The following SPINK5 variants were observed in gnomAD, a reference collection of about 807,000 sequenced individuals.
SPINK5 encodes the protein serine peptidase inhibitor Kazal type 5.
A neutral mutation model predicts 151.8 loss-of-function variants in SPINK5; 125 were observed. The observed-to-expected ratio is 0.82, with a 90% confidence interval of 0.71 to 0.96. SPINK5 has a LOEUF of 0.96. Ranked by LOEUF, SPINK5 falls within the 40% of genes least tolerant of loss-of-function variation. The pLI is 0.00. For synonymous variants in SPINK5, 374 were observed against 395.3 expected (o/e 0.95, Z 0.64); for missense variants, 1,194 against 1,291.9 (o/e 0.92, Z 1.16).
chr5:148,111,745 C>T, intron 18 of SPINK5, 23 bp from the exon 19 acceptor site: 1 of 1,613,784 alleles, frequency 6.2e-7, no homozygotes, highest in South Asian at 1.1e-5. Flanking sequence ...ACTCTTAAAA[C>T]CTGCTTCTGC....
chr5:148,077,990 T>G (rs1752928071), intron 4 of SPINK5, among the ~76,000 whole-genome samples: 1 of 151,006 alleles, frequency 6.6e-6, no homozygotes. Context: ...CATAAATGGT[T>G]TAAACATCCC....
At position 148,094,273 on chromosome 5, in the gene SPINK5, C is replaced by A; in HGVS notation, c.667-81C>A. 4.7e-6 allele frequency: 7 copies of A among 1,488,072 alleles called. No homozygotes were observed. The South Asian group carries it at 6.8e-5, about 15-fold the overall frequency. 92.2% of individuals were successfully genotyped at this position (1,488,072 alleles called of 1,614,324 possible). A position where few individuals can be genotyped will look rare whatever the true frequency, so the allele number is the denominator to read the frequency against. On this transcript the variant is annotated intron_variant, in intron 8 of 32. Transcript: ENST00000256084. ...TCATTCCCCTGCAATCCACCCTGCG[C>A]AATGCAGCAAAATCCTGTCTCAAAA...
intron 8 of SPINK5, among the ~76,000 whole-genome samples, chr5:148,092,811 TC>T (rs1253353363): frequency 6.6e-6 from 1 of 151,972 alleles, no homozygotes; most frequent in Non-Finnish European, 1.5e-5. Context: ...CATCCATTGC[TC>T]CTCCAAAAAT....
chr5:148,135,979 C>T (rs981728727), intron 32 of SPINK5, among the ~76,000 whole-genome samples: 1 of 152,050 alleles, frequency 6.6e-6, no homozygotes, highest in African/African-American at 2.4e-5. Context: ...TTACAATAGT[C>T]ATTTGATTAG....
At chr5:148,123,563 AAT>A (rs145110538) in intron 26 of SPINK5, among the ~76,000 whole-genome samples, 2 of 133,846 alleles carry the variant, frequency 1.5e-5, no homozygotes, top group Non-Finnish European at 1.5e-5. Context: ...TCTTGCTTGC[AAT>A]ATATATATAT....
intron 4 of SPINK5, among the ~76,000 whole-genome samples, chr5:148,080,703 T>C (rs542061700): frequency 5.3e-5 from 8 of 151,562 alleles, no homozygotes; most frequent in South Asian, 2.1e-4. Context: ...ATGTAAAATA[T>C]AGGAGGAAAA....
intron 21 of SPINK5, among the ~76,000 whole-genome samples, chr5:148,116,038 T>G (rs1754079030): frequency 6.6e-6 from 1 of 152,044 alleles, no homozygotes; most frequent in African/African-American, 2.4e-5. Flanking sequence ...GCCAGACTGG[T>G]CTCGAACTCC....
intron 8 of SPINK5, among the ~76,000 whole-genome samples, chr5:148,093,837 A>G (rs1753380888): frequency 6.6e-6 from 1 of 151,902 alleles, no homozygotes; most frequent in African/African-American, 2.4e-5. Context: ...TAATAAACCT[A>G]CCACATAACA....
chr5:148,125,518 T>C, intron 28 of SPINK5: 1 of 1,613,230 alleles, frequency 6.2e-7, no homozygotes, highest in Non-Finnish European at 8.5e-7. Context: ...TCCCTACATT[T>C]TTCAGGACCA....
Position 148,116,452 on chromosome 5 carries a change from G to A in SPINK5, c.2098G>A (p.Gly700Arg). Reference protein sequence around the residue: ...AAGHGSSGGGGGNTQDECAEY... With the variant: ...AAGHGSSGGGRGNTQDECAEY... Reference sequence around the variant, plus strand: ...AGGACATGGTTCCAGTGGTGGTGGAGGAGGAAACACTCAGGTGAGAGCAAC... The same window carrying A: ...AGGACATGGTTCCAGTGGTGGTGGAAGAGGAAACACTCAGGTGAGAGCAAC... The change falls in exon 22 of 33, where the codon GGA becomes AGA. Residue 700 changes from glycine (G) to arginine (R), a missense_variant. By Grantham distance (125) the Gly-to-Arg change is moderately radical. Coordinates refer to ENST00000256084, the MANE Select transcript of SPINK5 (RefSeq NM_006846.4). The A allele has an allele frequency of 6.2e-7, 1 of 1,614,158 alleles. No homozygotes were observed. Among genetic ancestry groups the A allele is most frequent in the South Asian group, 1.1e-5 (1 of 91,090 alleles).
chr5:148,112,140 C>G (rs188289268), intron 19 of SPINK5, among the ~76,000 whole-genome samples: 114 of 152,282 alleles, frequency 7.5e-4, no homozygotes, highest in Non-Finnish European at 4.9e-4. Flanking sequence ...CAAAATTACA[C>G]TGGAGTTAAT....
Position 148,088,595 on chromosome 5 carries a change from A to G in SPINK5, c.464A>G (p.Asn155Ser), listed in dbSNP as rs778100225. The G allele has an allele frequency of 3.1e-6, 5 of 1,611,570 alleles. No homozygotes were observed. The highest frequency in any genetic ancestry group is 2.7e-5 in the African/African-American group (2 of 74,694). ...AGTGAAGGGGAATGTAAGAGCAGTAATCCAGAGCAGGTGAGGTCAATTGTC... is the reference window on the plus strand; with the variant it reads ...AGTGAAGGGGAATGTAAGAGCAGTAGTCCAGAGCAGGTGAGGTCAATTGTC... ...VKSEGECKSS[N>S]PEQDVCSAFR... Residue 155 changes from asparagine to serine, a missense_variant, in exon 6 of 33, where the codon AAT (asparagine) becomes AGT (serine). By Grantham distance (46) the Asn-to-Ser change is conservative (BLOSUM62 1). Transcript: ENST00000256084.
intron 31 of SPINK5, among the ~76,000 whole-genome samples, chr5:148,132,105 T>C (rs1045584755): frequency 6.6e-6 from 1 of 152,186 alleles, no homozygotes; most frequent in Non-Finnish European, 1.5e-5. Context: ...AATACTCTTA[T>C]TATTGGCTTT....
chr5:148,100,583 T>C lies in SPINK5; in HGVS notation c.1220+2T>C, dbSNP rs1753613456. ...CTGCTCCATGTGTGAGGTCTTCTTG[T>C]GAGTAGCCCTGCAGCTGGGAACATG... On this transcript the variant is annotated splice_donor_variant, in intron 13 of 32. Transcript: ENST00000256084. LOFTEE classifies it high-confidence loss of function. 6.2e-7 allele frequency: 1 copy of C among 1,612,824 alleles called. No individual in the cohort carries two copies. Among genetic ancestry groups the C allele is most frequent in the Non-Finnish European group, 8.5e-7 (1 of 1,179,134 alleles).
At position 148,136,979 on chromosome 5, in the gene SPINK5, C is replaced by T. The variant is rs1404445152; in HGVS notation, c.3187-4C>T. 1.2e-6 allele frequency: 2 copies of T among 1,613,724 alleles called. No homozygotes were observed. The highest frequency in any genetic ancestry group is 1.7e-5 in the Admixed American group (1 of 60,000). On this transcript the variant is annotated splice_region_variant and splice_polypyrimidine_tract_variant and intron_variant, in intron 32 of 32. Coordinates refer to ENST00000256084, the MANE Select transcript of SPINK5 (RefSeq NM_006846.4). ...GCATCTAACCTACCCATCTTCTCTTCTAGGACGAATGACAGGAAGATTGTT... is the reference window on the plus strand; with the variant it reads ...GCATCTAACCTACCCATCTTCTCTTTTAGGACGAATGACAGGAAGATTGTT...
At chr5:148,133,015 T>A (rs1754610589) in intron 31 of SPINK5, among the ~76,000 whole-genome samples, 1 of 152,176 alleles carries the variant, frequency 6.6e-6, no homozygotes, top group Non-Finnish European at 1.5e-5. Context: ...TATAATTTTC[T>A]TCAACATTTT....
intron 2 of SPINK5, 171 bp downstream of exon 2, chr5:148,065,543 TCTCACA>T (rs1248369983): frequency 1.6e-5 from 9 of 557,782 alleles, no homozygotes; most frequent in Non-Finnish European, 2.7e-5. Context: ...TGAGCCTCTC[TCTCACA>T]CACACACACA....
At chr5:148,119,107 C>T in intron 24 of SPINK5, 49 bp downstream of exon 24, 1 of 1,558,410 alleles carries the variant, frequency 6.4e-7, no homozygotes, top group Non-Finnish European at 8.8e-7. Context: ...TGTGAGTCAG[C>T]AGTTGGCGAT....
At chr5:148,126,415 C>T (rs534755420) in intron 29 of SPINK5, among the ~76,000 whole-genome samples, 29 of 152,050 alleles carry the variant, frequency 1.9e-4, no homozygotes, top group Admixed American at 2.6e-4. Flanking sequence ...GGGGAATTAC[C>T]AAATACTACT....
Sources: allele counts gnomAD v4.1 joint callset (sites outside exome capture counted in the v4.1 genomes callset), GRCh38; gene constraint gnomAD v4.1.1; transcripts MANE v1.5; gene names NCBI Gene and HGNC (gene_info 2026-07-23, HGNC 2026-07-21).